The following AK5 variants were observed in gnomAD, a reference collection of about 807,000 sequenced individuals.
AK5 encodes adenylate kinase 5.
In AK5, 27 loss-of-function variants were observed where a neutral mutation model predicts 69.5. The observed-to-expected ratio is 0.39, with a 90% CI of 0.29 to 0.54. The LOEUF (loss-of-function observed/expected upper bound fraction) is 0.54, where lower values mean the gene tolerates loss of function less well. Among genes scored for constraint, AK5 ranks in the 20% least tolerant of loss-of-function variants. The probability of loss-of-function intolerance (pLI) is 0.71; values close to 1 mark genes in which losing one functional copy is unlikely to be tolerated. For missense variants in AK5, 531 were observed against 700.4 expected, an observed-to-expected ratio of 0.76 and a Z score of 2.73; for synonymous variants, 260 against 244.4, an observed-to-expected ratio of 1.06 and a Z score of -0.60.
At chr1:77,416,391 C>T (rs925066326) in intron 7 of AK5, among the ~76,000 whole-genome samples, 9 of 152,144 alleles carry the variant, frequency 5.9e-5, no homozygotes, top group African/African-American at 2.2e-4. Context: ...TCTGAACACA[C>T]TTATGCAACT....
intron 8 of AK5, among the ~76,000 whole-genome samples, chr1:77,428,257 A>T (rs1651345819): frequency 6.6e-6 from 1 of 152,244 alleles, no homozygotes; most frequent in Non-Finnish European, 1.5e-5. Context: ...CACCAGATTG[A>T]CAAAGGTCAC....
chr1:77,365,374 G>T (rs181713711), intron 6 of AK5, among the ~76,000 whole-genome samples: 2 of 152,152 alleles, frequency 1.3e-5, no homozygotes, highest in African/African-American at 2.4e-5. Context: ...GCAGTGGCAC[G>T]ATCCTAGCTC....
chr1:77,523,485 G>A (rs1658107833), intron 12 of AK5, among the ~76,000 whole-genome samples: 2 of 152,152 alleles, frequency 1.3e-5, no homozygotes, highest in Admixed American at 6.5e-5. Context: ...TTACAAGATG[G>A]AATTGGGAGC....
chr1:77,344,051 C>T (rs1661792304), intron 6 of AK5, among the ~76,000 whole-genome samples: 2 of 152,216 alleles, frequency 1.3e-5, no homozygotes, highest in Non-Finnish European at 2.9e-5. Flanking sequence ...TACATAGTGG[C>T]TGTGTCTGAA....
At chr1:77,421,077 A>G (rs183645674) in intron 8 of AK5, among the ~76,000 whole-genome samples, 21 of 152,346 alleles carry the variant, frequency 1.4e-4, no homozygotes, top group African/African-American at 4.6e-4. Context: ...CTGAAAGGCC[A>G]TATAAAAATA....
chr1:77,364,955 C>T (rs375094022), intron 6 of AK5, among the ~76,000 whole-genome samples: 9 of 152,278 alleles, frequency 5.9e-5, no homozygotes, highest in African/African-American at 1.9e-4. Flanking sequence ...ATACTGTTCT[C>T]CATAGTGGCT....
At chr1:77,532,208 G>C (rs958998735) in intron 12 of AK5, 1 of 155,138 alleles carries the variant, frequency 6.4e-6, no homozygotes, top group African/African-American at 2.4e-5. Context: ...CCTCAAGCGC[G>C]GCCAGAGTGG....
chr1:77,350,519 T>C (rs1019364402), intron 6 of AK5, among the ~76,000 whole-genome samples: 71 of 152,110 alleles, frequency 4.7e-4, no homozygotes, highest in African/African-American at 1.7e-3. Flanking sequence ...AATATTAAGC[T>C]GGTAGCTGTG....
intron 6 of AK5, among the ~76,000 whole-genome samples, chr1:77,354,331 G>T (rs1383425181): frequency 6.6e-6 from 1 of 152,064 alleles, no homozygotes; most frequent in Non-Finnish European, 1.5e-5. Flanking sequence ...TCTAGCTAAT[G>T]GGGGGGTACT....
At chr1:77,334,789 A>G (rs1661263778) in intron 5 of AK5, among the ~76,000 whole-genome samples, 1 of 152,118 alleles carries the variant, frequency 6.6e-6, no homozygotes, top group Admixed American at 6.6e-5. Flanking sequence ...ATGGTATACC[A>G]TTTTGGAGTC....
chr1:77,330,608 G>C (rs977516243), intron 5 of AK5, among the ~76,000 whole-genome samples: 2 of 152,162 alleles, frequency 1.3e-5, no homozygotes, highest in South Asian at 2.1e-4. Flanking sequence ...TGTTCTACTA[G>C]TTTTCCTTAC....
At chr1:77,302,677 C>T (rs542475191) in intron 5 of AK5, among the ~76,000 whole-genome samples, 75 of 152,264 alleles carry the variant, frequency 4.9e-4, no homozygotes, top group Middle Eastern at 3.4e-3. Context: ...AGGCAGTTGG[C>T]TTTTTTAACC....
chr1:77,540,439 C>T (rs12751064), intron 13 of AK5: 34,886 of 152,256 alleles, frequency 0.23, 5,398 homozygotes, highest in Admixed American at 0.38. Context: ...CACTTCCTAC[C>T]AAGTCTGAAT....
intron 5 of AK5, among the ~76,000 whole-genome samples, chr1:77,334,217 A>G (rs993867013): frequency 2.6e-5 from 4 of 152,240 alleles, no homozygotes; most frequent in East Asian, 1.9e-4. Context: ...TTTTTGCTGG[A>G]TATAAAAATG....
intron 5 of AK5, among the ~76,000 whole-genome samples, chr1:77,312,611 TAAA>T (rs5775383): frequency 3.2e-5 from 4 of 123,246 alleles, no homozygotes; most frequent in Admixed American, 1.6e-4. Flanking sequence ...CGAGTCTGTC[TAAA>T]AAAAAAAAAA....
rs79814614 is a variant in AK5, at chr1:77,325,735, A to G, written c.700-14642A>G. Among the ~76,000 whole-genome samples, 56 of 151,380 alleles carry G rather than the reference A, an allele frequency of 3.7e-4. No individual in the cohort carries two copies. The East Asian group carries it at 5.0e-3, about 14-fold the overall frequency. On this transcript the variant is annotated intron_variant, in intron 5 of 13. Coordinates refer to ENST00000354567, the MANE Select transcript of AK5 (RefSeq NM_174858.3). The stretch of plus-strand genomic sequence containing the variant: ...GATTGGGAGAACCTTGTGGGGAGGG[A>G]CTATATCTTGCCCATTTTGCATCTC...
intron 5 of AK5, among the ~76,000 whole-genome samples, chr1:77,304,248 C>T (rs555614902): frequency 3.3e-5 from 5 of 152,086 alleles, no homozygotes; most frequent in Non-Finnish European, 7.4e-5. Flanking sequence ...TTTTTAGATC[C>T]CACAAATAAG....
At position 77,297,950 on chromosome 1, in the gene AK5, A is replaced by G; in HGVS notation, c.699+3A>G. ...AGGCTCTATCTTTTGAGGACCAAGT[A>G]AGAATATCTCCTTATATTTTAAATG... On this transcript the variant is annotated splice_donor_region_variant and intron_variant, in intron 5 of 13. Coordinates refer to ENST00000354567, the MANE Select transcript of AK5 (RefSeq NM_174858.3). 1 of 1,589,952 alleles carries G rather than the reference A, an allele frequency of 6.3e-7. No individual in the cohort carries two copies. Among genetic ancestry groups the G allele is most frequent in the Non-Finnish European group, 8.6e-7 (1 of 1,165,386 alleles).
chr1:77,318,965 G>A (rs1205190720), intron 5 of AK5, among the ~76,000 whole-genome samples: 1 of 152,140 alleles, frequency 6.6e-6, no homozygotes, highest in African/African-American at 2.4e-5. Context: ...TTTAATAAAG[G>A]TGTGCATAGG....
Sources: allele counts gnomAD v4.1 joint callset (sites outside exome capture counted in the v4.1 genomes callset), GRCh38; gene constraint gnomAD v4.1.1; transcripts MANE v1.5; gene names NCBI Gene and HGNC (gene_info 2026-07-23, HGNC 2026-07-21).